SEC22A: variants seen among roughly 807,000 people sequenced by gnomAD.
The protein encoded by SEC22A is vesicle-trafficking protein SEC22a.
Under a neutral mutation model 35.3 loss-of-function variants are expected in SEC22A, and 22 were observed. The ratio of observed to expected loss-of-function variants is 0.62; its 90% CI spans 0.45 to 0.89. The LOEUF (loss-of-function observed/expected upper bound fraction) is 0.89, where lower values mean the gene tolerates loss of function less well. SEC22A is among the 40% of genes least tolerant of loss of function. The probability of loss-of-function intolerance (pLI) is 0.00; values close to 1 mark genes in which losing one functional copy is unlikely to be tolerated. For missense variants in SEC22A, 354 were observed against 362.5 expected, an observed-to-expected ratio of 0.98 and a Z score of 0.19; for synonymous variants, 119 against 129.5, an observed-to-expected ratio of 0.92 and a Z score of 0.55.
chr3:123,256,947 G>C (rs1002691219), intron 5 of SEC22A, among the ~76,000 whole-genome samples: 1 of 151,878 alleles, frequency 6.6e-6, no homozygotes, highest in Non-Finnish European at 1.5e-5. Context: ...TTTTAGTAGA[G>C]ACATGGTTTC....
chr3:123,242,655 G>C (rs1369750379), intron 4 of SEC22A, among the ~76,000 whole-genome samples: 1 of 152,204 alleles, frequency 6.6e-6, no homozygotes, highest in Non-Finnish European at 1.5e-5. Flanking sequence ...TGTAGAAAGA[G>C]CATGGGCTCT....
intron 6 of SEC22A, among the ~76,000 whole-genome samples, chr3:123,262,737 A>G (rs1203574384): frequency 6.6e-6 from 1 of 152,212 alleles, no homozygotes; most frequent in African/African-American, 2.4e-5. Context: ...AACTTAGGAT[A>G]TTTTCAACTT....
At chr3:123,262,819 T>A (rs1214665458) in intron 6 of SEC22A, among the ~76,000 whole-genome samples, 2 of 152,242 alleles carry the variant, frequency 1.3e-5, no homozygotes, top group African/African-American at 4.8e-5. Context: ...AAGTAAGTTT[T>A]AGACATATGT....
At chr3:123,226,489 G>T (rs1185555726) in intron 4 of SEC22A, among the ~76,000 whole-genome samples, 2 of 152,138 alleles carry the variant, frequency 1.3e-5, no homozygotes, top group Non-Finnish European at 2.9e-5. Flanking sequence ...CCATTTGTAT[G>T]TCTCTTTTGA....
At chr3:123,218,514 C>T (rs1325344440) in intron 2 of SEC22A, among the ~76,000 whole-genome samples, 1 of 151,924 alleles carries the variant, frequency 6.6e-6, no homozygotes, top group Non-Finnish European at 1.5e-5. Context: ...GGAGAGCAGA[C>T]AAGTCTTTGA....
chr3:123,236,341 C>A (rs977453868), intron 4 of SEC22A, among the ~76,000 whole-genome samples: 4 of 152,176 alleles, frequency 2.6e-5, no homozygotes, highest in African/African-American at 9.6e-5. Flanking sequence ...TGTATATATT[C>A]TATAGAATAT....
At chr3:123,269,235 T>C (rs1234286409) in intron 6 of SEC22A, among the ~76,000 whole-genome samples, 1 of 134,976 alleles carries the variant, frequency 7.4e-6, no homozygotes, top group Non-Finnish European at 1.6e-5. Context: ...CTGGAAATGC[T>C]AGCTCATTTT....
chr3:123,230,328 T>A (rs924209076), intron 4 of SEC22A, among the ~76,000 whole-genome samples: 1 of 152,162 alleles, frequency 6.6e-6, no homozygotes, highest in Admixed American at 6.5e-5. Context: ...TTACTCCAGA[T>A]GATAATTCAA....
chr3:123,218,784 T>G (rs1424469980), intron 2 of SEC22A, among the ~76,000 whole-genome samples: 1 of 152,148 alleles, frequency 6.6e-6, no homozygotes, highest in Non-Finnish European at 1.5e-5. Flanking sequence ...AACAAATTAG[T>G]GTATAAATGA....
At chr3:123,259,719 C>G in intron 6 of SEC22A, 130 bp downstream of exon 6, 1 of 699,466 alleles carries the variant, frequency 1.4e-6, no homozygotes, top group Admixed American at 2.8e-5. Flanking sequence ...ATTTGAGCCT[C>G]TTTTAACTTT....
intron 5 of SEC22A, among the ~76,000 whole-genome samples, chr3:123,249,188 C>A (rs532166232): frequency 6.6e-6 from 1 of 152,330 alleles, no homozygotes; most frequent in East Asian, 1.9e-4. Flanking sequence ...ACAGGAACTT[C>A]TGTCCTCATG....
chr3:123,265,424 G>A (rs1199951246), intron 6 of SEC22A, among the ~76,000 whole-genome samples: 1 of 150,046 alleles, frequency 6.7e-6, no homozygotes, highest in African/African-American at 2.5e-5. Flanking sequence ...AGATCAGTCT[G>A]TATCTTGTCT....
At chr3:123,237,694 G>A (rs1346711453) in intron 4 of SEC22A, among the ~76,000 whole-genome samples, 1 of 152,110 alleles carries the variant, frequency 6.6e-6, no homozygotes, top group Non-Finnish European at 1.5e-5. Flanking sequence ...TAAATTAGGG[G>A]TGGGGGTCCA....
intron 5 of SEC22A, among the ~76,000 whole-genome samples, chr3:123,247,901 C>T (rs937098335): frequency 3.3e-5 from 5 of 152,108 alleles, no homozygotes; most frequent in African/African-American, 9.7e-5. Context: ...TATGCGGGGG[C>T]CAGTCACCCT....
Position 123,259,195 on chromosome 3 carries a change from T to C in SEC22A, c.658-329T>C, listed in dbSNP as rs539693127. ...AGTAACTTTGTCAGCCACTGGGGTG[T>C]TGTACATTTTTACATGATTTTTTTA... On this transcript the variant is annotated intron_variant, in intron 5 of 6. Coordinates refer to ENST00000492595, the MANE Select transcript of SEC22A (RefSeq NM_012430.5). 2.0e-5 allele frequency among the ~76,000 whole-genome samples: 3 copies of C among 152,310 alleles called. No individual in the cohort carries two copies. The South Asian group carries it at 6.2e-4, about 32-fold the overall frequency.
intron 6 of SEC22A, among the ~76,000 whole-genome samples, chr3:123,269,561 C>A (rs575632172): frequency 6.6e-6 from 1 of 151,962 alleles, no homozygotes; most frequent in East Asian, 1.9e-4. Context: ...TCAGACACAC[C>A]CAAGTTGAGG....
chr3:123,231,608 C>T (rs902819010), intron 4 of SEC22A, among the ~76,000 whole-genome samples: 1 of 151,990 alleles, frequency 6.6e-6, no homozygotes, highest in African/African-American at 2.4e-5. Context: ...AAGGGAAATG[C>T]GTACTTTGAG....
intron 2 of SEC22A, among the ~76,000 whole-genome samples, chr3:123,214,593 G>A (rs967894410): frequency 6.6e-6 from 1 of 152,140 alleles, no homozygotes; most frequent in Non-Finnish European, 1.5e-5. Flanking sequence ...TCCTTAGACT[G>A]TAATGAATTT....
rs13314109 is a variant in SEC22A, at chr3:123,251,418, C to T, written c.657+5404C>T. ...AAATTACTCTAACATTTCTTACTTA[C>T]CTGATCCAGGGAACTGTAAATTGGT... On this transcript the variant is annotated intron_variant, in intron 5 of 6. Transcript: ENST00000492595. Among the ~76,000 whole-genome samples, 419 of 152,202 alleles carry T rather than the reference C, an allele frequency of 2.8e-3. 4 individuals are homozygous for T. Among genetic ancestry groups the T allele is most frequent in the African/African-American group, 8.9e-3 (369 of 41,530 alleles).
Sources: allele counts gnomAD v4.1 joint callset (sites outside exome capture counted in the v4.1 genomes callset), GRCh38; gene constraint gnomAD v4.1.1; transcripts MANE v1.5; gene names NCBI Gene and HGNC (gene_info 2026-07-23, HGNC 2026-07-21).